The following AGBL4 variants were observed in gnomAD, a reference collection of about 807,000 sequenced individuals.
The protein encoded by AGBL4 is cytosolic carboxypeptidase 6.
A neutral mutation model predicts 66.4 loss-of-function variants in AGBL4; 58 were observed. The observed-to-expected ratio is 0.87, with a 90% CI of 0.71 to 1.09. The LOEUF is 1.09. Among genes scored for constraint, AGBL4 ranks in the 50% least tolerant of loss-of-function variants. The pLI, the probability that AGBL4 is intolerant of heterozygous loss-of-function variation, is 0.00. For missense variants in AGBL4, 579 were observed against 631.0 expected (o/e 0.92, Z 0.88); for synonymous variants, 234 against 222.9 (o/e 1.05, Z -0.44).
At chr1:49,706,706 A>G (rs1255777866) in intron 2 of AGBL4, among the ~76,000 whole-genome samples, 3 of 152,130 alleles carry the variant, frequency 2.0e-5, no homozygotes, top group Non-Finnish European at 4.4e-5. Context: ...TTCCCTCTAA[A>G]CACTGCTTTA....
chr1:49,354,165 G>A (rs961999609), intron 3 of AGBL4, among the ~76,000 whole-genome samples: 6 of 152,166 alleles, frequency 3.9e-5, no homozygotes, highest in Non-Finnish European at 7.4e-5. Flanking sequence ...TGCTCACTCC[G>A]GCTTTTGTAC....
chr1:49,783,791 A>T (rs1048412364), intron 2 of AGBL4, among the ~76,000 whole-genome samples: 3 of 152,162 alleles, frequency 2.0e-5, no homozygotes, highest in Non-Finnish European at 4.4e-5. Flanking sequence ...GAGCTAAAAA[A>T]TGGATTCAGC....
At chr1:49,688,044 A>G (rs1646818952) in intron 3 of AGBL4, among the ~76,000 whole-genome samples, 1 of 152,204 alleles carries the variant, frequency 6.6e-6, no homozygotes, top group South Asian at 2.1e-4. Context: ...GCATCCCTCA[A>G]GCATTTATCC....
At chr1:48,737,323 C>T (rs1047828302) in intron 6 of AGBL4, among the ~76,000 whole-genome samples, 3 of 152,070 alleles carry the variant, frequency 2.0e-5, no homozygotes, top group Non-Finnish European at 2.9e-5. Context: ...AAAAAATCAT[C>T]AGTTCGTGGG....
At chr1:48,730,525 G>A (rs1647938992) in intron 6 of AGBL4, among the ~76,000 whole-genome samples, 1 of 152,166 alleles carries the variant, frequency 6.6e-6, no homozygotes, top group Non-Finnish European at 1.5e-5. Context: ...GCAGGAGAGT[G>A]GGTGTGGTGG....
intron 4 of AGBL4, among the ~76,000 whole-genome samples, chr1:49,123,905 C>T (rs1645713257): frequency 6.6e-6 from 1 of 152,158 alleles, no homozygotes; most frequent in Non-Finnish European, 1.5e-5. Context: ...CTTTTTCCTA[C>T]TCTCATTTTG....
Position 49,627,837 on chromosome 1 carries a change from A to G in AGBL4, c.282+69476T>C, listed in dbSNP as rs1224832545. On this transcript the variant is annotated intron_variant, in intron 3 of 13. Coordinates refer to ENST00000371839, the MANE Select transcript of AGBL4 (RefSeq NM_032785.4). Reference sequence around the variant, plus strand: ...CTGATGCAACTGTGTTGGATTAAACAGAACTTCAGTTTACCTGCTGAGGCA... The same window carrying G: ...CTGATGCAACTGTGTTGGATTAAACGGAACTTCAGTTTACCTGCTGAGGCA... 1.3e-5 allele frequency among the ~76,000 whole-genome samples: 2 copies of G among 152,204 alleles called. 1 individual carries two copies. The highest frequency in any genetic ancestry group is 3.9e-4 in the East Asian group (2 of 5,194).
intron 3 of AGBL4, among the ~76,000 whole-genome samples, chr1:49,315,605 G>A (rs1316938543): frequency 6.6e-6 from 1 of 152,138 alleles, no homozygotes; most frequent in Non-Finnish European, 1.5e-5. Context: ...TTTCTCAAAA[G>A]AAGACATTTA....
chr1:49,125,555 G>A (rs1479807444), intron 4 of AGBL4, among the ~76,000 whole-genome samples: 17 of 151,212 alleles, frequency 1.1e-4, no homozygotes, highest in Admixed American at 1.1e-3. Flanking sequence ...GAGAAACTAA[G>A]CAGATGAGAT....
chr1:50,013,993 G>T (rs564841339), intron 1 of AGBL4, among the ~76,000 whole-genome samples: 104 of 152,224 alleles, frequency 6.8e-4, no homozygotes, highest in African/African-American at 2.4e-3. Flanking sequence ...TGGTAGAGTT[G>T]AATGTTTTAA....
intron 4 of AGBL4, among the ~76,000 whole-genome samples, chr1:49,058,150 T>C (rs1187779843): frequency 6.6e-6 from 1 of 152,244 alleles, no homozygotes; most frequent in East Asian, 1.9e-4. Flanking sequence ...TGCAGAATCC[T>C]GCAAAATGTA....
chr1:48,968,813 A>G (rs1190206825), intron 5 of AGBL4, among the ~76,000 whole-genome samples: 2 of 152,094 alleles, frequency 1.3e-5, no homozygotes, highest in African/African-American at 4.8e-5. Flanking sequence ...TCCTGATGGC[A>G]TTTTAAGAAA....
chr1:49,501,889 G>A (rs906062609), intron 3 of AGBL4, among the ~76,000 whole-genome samples: 30 of 152,004 alleles, frequency 2.0e-4, no homozygotes, highest in African/African-American at 7.0e-4. Flanking sequence ...GCAGCATATT[G>A]TTTATTTTCC....
At chr1:49,845,103 T>C (rs1251977078) in intron 2 of AGBL4, 25 of 1,454,344 alleles carry the variant, frequency 1.7e-5, no homozygotes, top group Non-Finnish European at 2.4e-5. Context: ...GAAAGGCCTT[T>C]AGTCACAGCT....
chr1:49,949,525 C>A (rs1655879805), intron 1 of AGBL4, among the ~76,000 whole-genome samples: 1 of 151,608 alleles, frequency 6.6e-6, no homozygotes, highest in South Asian at 2.1e-4. Flanking sequence ...AACAAACAAT[C>A]CCATCAAAAG....
intron 5 of AGBL4, among the ~76,000 whole-genome samples, chr1:48,874,325 TC>T (rs11310031): frequency 0.34 from 51,900 of 151,918 alleles, 9,236 homozygotes; most frequent in East Asian, 0.7. Flanking sequence ...CCCTGCCCTA[TC>T]CCCAAGTGTA....
intron 6 of AGBL4, chr1:48,727,771 T>A (rs1467763405): frequency 6.0e-6 from 6 of 1,007,290 alleles, no homozygotes; most frequent in Non-Finnish European, 7.3e-6. Context: ...CAGAACCCGA[T>A]GGATCCCTGC....
intron 3 of AGBL4, among the ~76,000 whole-genome samples, chr1:49,264,986 C>A (rs1262734925): frequency 6.6e-6 from 1 of 152,002 alleles, no homozygotes; most frequent in East Asian, 1.9e-4. Context: ...TGGTTATTTT[C>A]TTTCATAATT....
At chr1:49,320,060 T>G (rs1645105334) in intron 3 of AGBL4, among the ~76,000 whole-genome samples, 1 of 152,010 alleles carries the variant, frequency 6.6e-6, no homozygotes, top group Non-Finnish European at 1.5e-5. Context: ...ATCTCCCGAG[T>G]AGCTGGGCCC....
Sources: allele counts gnomAD v4.1 joint callset (sites outside exome capture counted in the v4.1 genomes callset), GRCh38; gene constraint gnomAD v4.1.1; transcripts MANE v1.5; gene names NCBI Gene and HGNC (gene_info 2026-07-23, HGNC 2026-07-21).